CSMD3: variants seen among roughly 807,000 people sequenced by gnomAD.
CSMD3 encodes the protein CUB and Sushi multiple domains 3, also known as CUB and sushi domain-containing protein 3.
CSMD3 carries 177 observed loss-of-function variants against 435.2 expected under a neutral mutation model. The ratio of observed to expected loss-of-function variants is 0.41; its 90% confidence interval spans 0.36 to 0.46. The LOEUF (loss-of-function observed/expected upper bound fraction) is 0.46. Ranked by LOEUF, CSMD3 falls within the 20% of genes least tolerant of loss-of-function variation. The pLI is 0.34. For synonymous variants in CSMD3, 1,656 were observed against 1,520.5 expected, an observed-to-expected ratio of 1.09 and a Z score of -2.07; for missense variants, 4,265 against 4,504.6, an observed-to-expected ratio of 0.95 and a Z score of 1.52.
At chr8:112,302,211 T>G (rs76029480) in intron 52 of CSMD3, among the ~76,000 whole-genome samples, 6 of 129,200 alleles carry the variant, frequency 4.6e-5, no homozygotes, top group East Asian at 4.4e-4. Context: ...TCTTTTTTTT[T>G]CATTTTTTTT....
intron 32 of CSMD3, among the ~76,000 whole-genome samples, chr8:112,431,590 G>A (rs1189094022): frequency 2.0e-5 from 3 of 152,074 alleles, no homozygotes; most frequent in African/African-American, 4.8e-5. Flanking sequence ...CTTGAACAGC[G>A]AAATGATGGA....
chr8:112,457,063 T>C (rs1444359980), intron 32 of CSMD3, among the ~76,000 whole-genome samples: 1 of 152,150 alleles, frequency 6.6e-6, no homozygotes, highest in Non-Finnish European at 1.5e-5. Context: ...TAATGTTTTC[T>C]CCCTCTACCC....
intron 2 of CSMD3, among the ~76,000 whole-genome samples, chr8:113,287,913 A>G (rs2093658321): frequency 6.6e-6 from 1 of 151,948 alleles, no homozygotes; most frequent in Non-Finnish European, 1.5e-5. Flanking sequence ...AATTCTTATT[A>G]TTAAAAGAAT....
At chr8:113,105,208 A>G (rs2090439230) in intron 4 of CSMD3, among the ~76,000 whole-genome samples, 1 of 152,084 alleles carries the variant, frequency 6.6e-6, no homozygotes. Flanking sequence ...ATATATAATA[A>G]CTGTTTTAAA....
chr8:113,405,262 G>A (rs1392816044), intron 1 of CSMD3, among the ~76,000 whole-genome samples: 1 of 151,506 alleles, frequency 6.6e-6, no homozygotes, highest in Non-Finnish European at 1.5e-5. Context: ...TTTGTATCAG[G>A]ATATTTTTGA....
At chr8:112,359,805 G>T (rs1827010274) in intron 38 of CSMD3, among the ~76,000 whole-genome samples, 1 of 151,976 alleles carries the variant, frequency 6.6e-6, no homozygotes, top group African/African-American at 2.4e-5. Context: ...TAATTAGTTA[G>T]GTCTCCAAGC....
chr8:113,089,661 T>C (rs2089934688), intron 5 of CSMD3, among the ~76,000 whole-genome samples: 1 of 152,150 alleles, frequency 6.6e-6, no homozygotes, highest in African/African-American at 2.4e-5. Context: ...TTATGGACTA[T>C]AGTGCAAATA....
In CSMD3 at chr8:112,986,192, T is replaced by A. The variant is rs546284816; in HGVS notation, c.1031-10044A>T. 5.2e-4 allele frequency among the ~76,000 whole-genome samples: 79 copies of A among 152,322 alleles called. 1 individual carries two copies. In the South Asian group the frequency reaches 6.6e-3, roughly 13 times the overall value. ...AATCAACAATTGTTTTGTTATTTTG[T>A]TTGCTTTTAGTATAACTATATCCTG... is the stretch of plus-strand genomic sequence containing the variant. On this transcript the variant is annotated intron_variant, in intron 6 of 70. Coordinates refer to ENST00000297405, the MANE Select transcript of CSMD3 (RefSeq NM_198123.2).
At chr8:113,334,508 C>T (rs777457119) in intron 1 of CSMD3, among the ~76,000 whole-genome samples, 2 of 151,808 alleles carry the variant, frequency 1.3e-5, no homozygotes, top group African/African-American at 2.4e-5. Context: ...GATTTATACT[C>T]TCTAGAAGTA....
chr8:112,896,960 C>G (rs2081966600), intron 10 of CSMD3, among the ~76,000 whole-genome samples: 1 of 151,428 alleles, frequency 6.6e-6, no homozygotes, highest in South Asian at 2.1e-4. Flanking sequence ...CCTCTACCTC[C>G]TCTGGCTTTC....
At chr8:113,102,746 A>G (rs1206780813) in intron 4 of CSMD3, among the ~76,000 whole-genome samples, 1 of 152,142 alleles carries the variant, frequency 6.6e-6, no homozygotes, top group Non-Finnish European at 1.5e-5. Context: ...TGTGTGCTAC[A>G]GTAAAAAGGG....
At chr8:112,753,175 T>G (rs1412033862) in intron 13 of CSMD3, among the ~76,000 whole-genome samples, 1 of 152,090 alleles carries the variant, frequency 6.6e-6, no homozygotes, top group Non-Finnish European at 1.5e-5. Flanking sequence ...TACCTAACTT[T>G]GATAAATCAA....
At chr8:113,350,736 T>C (rs2094184647) in intron 1 of CSMD3, among the ~76,000 whole-genome samples, 1 of 152,104 alleles carries the variant, frequency 6.6e-6, no homozygotes, top group Non-Finnish European at 1.5e-5. Flanking sequence ...ACAGCCTACC[T>C]AATATTCTTT....
At chr8:112,655,294 C>A (rs1476876753) in intron 18 of CSMD3, among the ~76,000 whole-genome samples, 1 of 151,904 alleles carries the variant, frequency 6.6e-6, no homozygotes, top group African/African-American at 2.4e-5. Context: ...ATAATATCTG[C>A]ATTTGAAATA....
chr8:112,247,937 T>C (rs1468754457), intron 63 of CSMD3, among the ~76,000 whole-genome samples: 1 of 152,086 alleles, frequency 6.6e-6, no homozygotes, highest in African/African-American at 2.4e-5. Context: ...TATATATCAT[T>C]TGCTTTAGGG....
chr8:113,426,983 C>A (rs941253654), intron 1 of CSMD3, among the ~76,000 whole-genome samples: 35 of 151,122 alleles, frequency 2.3e-4, no homozygotes, highest in Non-Finnish European at 4.6e-4. Flanking sequence ...GTATTAAATG[C>A]AATAAGTATA....
At chr8:112,262,331 C>G (rs560998981) in intron 61 of CSMD3, among the ~76,000 whole-genome samples, 6 of 152,128 alleles carry the variant, frequency 3.9e-5, no homozygotes, top group African/African-American at 1.4e-4. Flanking sequence ...ACATCAATAC[C>G]ATACTGTTTT....
At chr8:112,397,962 G>A (rs978076937) in intron 35 of CSMD3, among the ~76,000 whole-genome samples, 1 of 152,172 alleles carries the variant, frequency 6.6e-6, no homozygotes, top group Non-Finnish European at 1.5e-5. Context: ...ACATATGGGT[G>A]ACACTTTAAG....
chr8:113,018,456 A>T (rs1454497326), intron 6 of CSMD3, among the ~76,000 whole-genome samples: 1 of 152,108 alleles, frequency 6.6e-6, no homozygotes, highest in Non-Finnish European at 1.5e-5. Flanking sequence ...GAATGAAATG[A>T]ATTATTTACA....
Sources: gnomAD v4.1 joint callset for allele counts (sites outside exome capture counted in the v4.1 genomes callset) on GRCh38, gnomAD v4.1.1 for gene constraint, MANE v1.5 for transcripts, NCBI Gene and HGNC (gene_info 2026-07-23, HGNC 2026-07-21) for gene names.